The following SRP72 variants were observed in gnomAD, a reference collection of about 807,000 sequenced individuals.
SRP72 encodes the protein signal recognition particle 72.
Under a neutral mutation model 96.3 loss-of-function variants are expected in SRP72, and 49 were observed. That is an observed-to-expected ratio of 0.51 (90% confidence interval 0.40 to 0.65). The LOEUF (loss-of-function observed/expected upper bound fraction) is 0.65. Among genes scored for constraint, SRP72 ranks in the 30% least tolerant of loss-of-function variants. SRP72 has a pLI of 0.00. For synonymous variants in SRP72, 267 were observed against 275.2 expected (o/e 0.97, Z 0.30); for missense variants, 736 against 793.3 (o/e 0.93, Z 0.87).
chr4:56,477,714 G>A (rs778487409), intron 6 of SRP72, among the ~76,000 whole-genome samples: 6 of 152,180 alleles, frequency 3.9e-5, no homozygotes, highest in Admixed American at 1.3e-4. Flanking sequence ...GGTGAGAGCA[G>A]GAGTGTTGGG....
chr4:56,478,722 TA>T, intron 8 of SRP72, 73 bp downstream of exon 8: 1 of 1,452,890 alleles, frequency 6.9e-7, no homozygotes, highest in Non-Finnish European at 9.4e-7. Flanking sequence ...AGTTTTGTTC[TA>T]GGATAGCCTA....
Position 56,474,053 on chromosome 4 carries a change from G to T in SRP72, c.355-1G>T. On this transcript the variant is annotated splice_acceptor_variant, in intron 3 of 18. Coordinates refer to ENST00000642900, the MANE Select transcript of SRP72 (RefSeq NM_006947.4). LOFTEE classifies it high-confidence loss of function. ...TTTTTTACTTGCTATTTATTATTCA[G>T]TTATACCGTTTGGAACGCTATGATG... is the stretch of plus-strand genomic sequence containing the variant. 6.2e-7 allele frequency: 1 copy of T among 1,611,434 alleles called. No individual in the cohort carries two copies. Among genetic ancestry groups the T allele is most frequent in the Non-Finnish European group, 8.5e-7 (1 of 1,179,178 alleles).
chr4:56,474,437 C>T (rs1313629707), intron 5 of SRP72, 46 bp downstream of exon 5: 1 of 1,491,072 alleles, frequency 6.7e-7, no homozygotes, highest in Non-Finnish European at 9.2e-7. Flanking sequence ...GTGCATATAA[C>T]TTTGTAGAGT....
intron 16 of SRP72, among the ~76,000 whole-genome samples, chr4:56,491,916 A>G (rs1463748476): frequency 6.6e-6 from 1 of 152,100 alleles, no homozygotes; most frequent in African/African-American, 2.4e-5. Context: ...GCTGGAGTAC[A>G]GTGGCACAGT....
chr4:56,499,458 G>A (rs1275602339), intron 17 of SRP72, among the ~76,000 whole-genome samples: 1 of 152,132 alleles, frequency 6.6e-6, no homozygotes, highest in Non-Finnish European at 1.5e-5. Context: ...CAGAATGGGA[G>A]AAAATTTTTG....
In SRP72 at chr4:56,484,827, G is replaced by A. The variant is rs368765062; in HGVS notation, c.1049G>A (p.Arg350His). 6.2e-6 allele frequency: 10 copies of A among 1,613,742 alleles called. No individual in the cohort carries two copies. Among genetic ancestry groups the A allele is most frequent in the East Asian group, 2.2e-5 (1 of 44,874 alleles). ...PVLIQAAQLC[R>H]EKQHTKAIEL... Reference sequence around the variant, plus strand: ...TTAATCCAAGCTGCCCAGCTCTGCCGTGAAAAGCAGCACACAAAAGCAATA... The same window carrying A: ...TTAATCCAAGCTGCCCAGCTCTGCCATGAAAAGCAGCACACAAAAGCAATA... The change falls in exon 10 of 19, where the codon CGT becomes CAT. Residue 350 changes from arginine (R) to histidine (H), a missense_variant. Transcript: ENST00000642900.
intron 6 of SRP72, among the ~76,000 whole-genome samples, chr4:56,478,042 T>G (rs1213243724): frequency 6.6e-6 from 1 of 152,158 alleles, no homozygotes; most frequent in Admixed American, 6.5e-5. Context: ...TATACTTCCA[T>G]GCTTGTTTTT....
rs1720903397 is a variant in SRP72 at position 56,491,454 on chromosome 4, CAGAT to C, written c.1529_1532del (p.Asp510ValfsTer4). 1.9e-6 allele frequency: 3 copies of C among 1,613,818 alleles called. No individual in the cohort carries two copies. Among genetic ancestry groups the C allele is most frequent in the Non-Finnish European group, 2.5e-6 (3 of 1,179,886 alleles). ...AGTCTTAGTAAACACTTGCCATCGT[CAGAT>C]AGTATGTCTCTAAAAGTAGATGTTG... On this transcript the variant is annotated frameshift_variant, in exon 16 of 19. Transcript: ENST00000642900. LOFTEE classifies it high-confidence loss of function.
chr4:56,500,163 A>G (rs1721211835), intron 17 of SRP72, among the ~76,000 whole-genome samples: 1 of 152,176 alleles, frequency 6.6e-6, no homozygotes, highest in African/African-American at 2.4e-5. Flanking sequence ...GAGTTGAACA[A>G]TGAGAACACA....
chr4:56,488,267 C>A (rs2110125570), intron 12 of SRP72, among the ~76,000 whole-genome samples: 1 of 152,270 alleles, frequency 6.6e-6, no homozygotes, highest in South Asian at 2.1e-4. Flanking sequence ...AATCTCAGAT[C>A]TGTATAGGAA....
intron 1 of SRP72, among the ~76,000 whole-genome samples, chr4:56,468,955 C>G (rs1215878435): frequency 6.6e-6 from 1 of 152,172 alleles, no homozygotes; most frequent in Non-Finnish European, 1.5e-5. Context: ...TGATCCTGGT[C>G]ATTTTAACAC....
intron 3 of SRP72, among the ~76,000 whole-genome samples, chr4:56,473,406 C>T (rs533480190): frequency 2.7e-5 from 4 of 149,846 alleles, no homozygotes; most frequent in Non-Finnish European, 3.0e-5. Context: ...TGCAGTGAGC[C>T]GAGATCGCGC....
intron 17 of SRP72, among the ~76,000 whole-genome samples, chr4:56,500,245 T>C (rs1014918616): frequency 6.6e-6 from 1 of 152,020 alleles, no homozygotes; most frequent in Non-Finnish European, 1.5e-5. Context: ...AGGGATAGCA[T>C]TGGGAGAAAT....
At chr4:56,475,403 A>AATATATATAT (rs5858385) in intron 5 of SRP72, among the ~76,000 whole-genome samples, 1 of 150,862 alleles carries the variant, frequency 6.6e-6, no homozygotes, top group African/African-American at 2.4e-5. Flanking sequence ...ACAAAAAAAA[A>AATATATATAT]ATATATATGT....
intron 16 of SRP72, 134 bp downstream of exon 16, chr4:56,491,702 C>T: frequency 1.2e-6 from 1 of 854,372 alleles, no homozygotes; most frequent in South Asian, 2.1e-5. Flanking sequence ...TCTCACTGTG[C>T]CCAGCTCTTT....
intron 9 of SRP72, among the ~76,000 whole-genome samples, chr4:56,483,551 T>C (rs1720582864): frequency 6.6e-6 from 1 of 151,962 alleles, no homozygotes; most frequent in Non-Finnish European, 1.5e-5. Flanking sequence ...TGTCTCTACA[T>C]GGTGGTGTAT....
At chr4:56,491,085 A>G (rs183071886) in intron 15 of SRP72, among the ~76,000 whole-genome samples, 1 of 152,314 alleles carries the variant, frequency 6.6e-6, no homozygotes, top group East Asian at 1.9e-4. Flanking sequence ...GTGTGTTCCC[A>G]AAACTGAGGT....
intron 1 of SRP72, among the ~76,000 whole-genome samples, 154 bp downstream of exon 1, chr4:56,467,898 CG>C (rs1327327179): frequency 6.6e-6 from 1 of 152,122 alleles, no homozygotes; most frequent in Non-Finnish European, 1.5e-5. Context: ...CCCTAGCGCC[CG>C]GAAGACGCAG....
At chr4:56,496,996 A>C (rs1342343836) in intron 17 of SRP72, among the ~76,000 whole-genome samples, 57 of 151,990 alleles carry the variant, frequency 3.8e-4, no homozygotes, top group Admixed American at 3.7e-3. Context: ...CCTGCCCCCA[A>C]AAAAAAGCAT....
Sources: allele counts gnomAD v4.1 joint callset (sites outside exome capture counted in the v4.1 genomes callset), GRCh38; gene constraint gnomAD v4.1.1; transcripts MANE v1.5; gene names NCBI Gene and HGNC (gene_info 2026-07-23, HGNC 2026-07-21).